The following FBLN7 variants were observed in gnomAD, a reference collection of about 807,000 sequenced individuals.
The protein encoded by FBLN7 is fibulin-7.
A neutral mutation model predicts 44.0 loss-of-function variants in FBLN7; 31 were observed. The observed-to-expected ratio is 0.70, with a 90% CI of 0.53 to 0.95. The LOEUF is 0.95. FBLN7 is among the 40% of genes least tolerant of loss of function. The pLI is 0.00. For synonymous variants in FBLN7, 262 were observed against 253.4 expected (o/e 1.03, Z -0.32); for missense variants, 573 against 618.5 (o/e 0.93, Z 0.78).
chr2:112,226,452 G>A, the FBLN7 span, among the ~76,000 whole-genome samples: 1 of 151,866 alleles, frequency 6.6e-6, no homozygotes, highest in African/African-American at 2.4e-5. Flanking sequence ...AGCCAGGTGA[G>A]GTGGCGGGTG....
chr2:112,140,874 G>A (rs1177746392), intron 1 of FBLN7, among the ~76,000 whole-genome samples: 1 of 152,204 alleles, frequency 6.6e-6, no homozygotes, highest in African/African-American at 2.4e-5. Flanking sequence ...TATACAGGCG[G>A]CTTGCTGTTT....
At chr2:112,178,948 C>T (rs965877926) in intron 4 of FBLN7, among the ~76,000 whole-genome samples, 1 of 152,144 alleles carries the variant, frequency 6.6e-6, no homozygotes, top group Non-Finnish European at 1.5e-5. Context: ...TGCCCTTTCT[C>T]ATCACTTCTA....
At chr2:112,200,341 C>T in the FBLN7 span, among the ~76,000 whole-genome samples, 2 of 152,064 alleles carry the variant, frequency 1.3e-5, no homozygotes, top group Non-Finnish European at 2.9e-5. Context: ...CTCAGATGTT[C>T]GTGGGAATGT....
the FBLN7 span, chr2:112,214,169 AT>A: frequency 1.3e-5 from 2 of 151,836 alleles, no homozygotes; most frequent in African/African-American, 4.8e-5. Flanking sequence ...GATGGTCTCG[AT>A]CTCCTGACCT....
chr2:112,187,275 C>G lies in FBLN7; in HGVS notation c.1089C>G (p.Pro363=), dbSNP rs147018646. The stretch of plus-strand genomic sequence containing the variant: ...TCCGCATGGCCACAGCCTCTGCCCC[C>G]GGCCGAGCTGGGCCCAACAGCCTGC... ...TLFRMATASA[P]GRAGPNSLRF... The change falls in exon 8 of 8, where the codon CCC becomes CCG. Residue 363 remains proline (P), a synonymous_variant. Transcript: ENST00000331203. The surrounding 1 kb of genome is among the most constrained non-coding windows in gnomAD (Gnocchi z 5.1). 2 of 1,614,194 alleles carry G rather than the reference C, an allele frequency of 1.2e-6. No homozygotes were observed. The highest frequency in any genetic ancestry group is 2.7e-5 in the African/African-American group (2 of 75,060).
chr2:112,167,905 G>GTTATGTTATC (rs1682252747), intron 3 of FBLN7, among the ~76,000 whole-genome samples: 1 of 151,986 alleles, frequency 6.6e-6, no homozygotes, highest in African/African-American at 2.4e-5. Context: ...GTTATGTTAT[G>GTTATGTTATC]TTATGTTATG....
chr2:112,155,879 AG>A (rs1681388616), intron 1 of FBLN7, among the ~76,000 whole-genome samples: 1 of 152,180 alleles, frequency 6.6e-6, no homozygotes, highest in Admixed American at 6.5e-5. Context: ...CTGGAGCCCC[AG>A]GCCATCACCC....
the FBLN7 span, chr2:112,214,784 T>C: frequency 6.6e-6 from 1 of 152,118 alleles, no homozygotes; most frequent in South Asian, 2.1e-4. Context: ...ATAACCCAGG[T>C]AGGAGAGACC....
intron 3 of FBLN7, 44 bp from the exon 4 acceptor site, chr2:112,175,670 C>T (rs751732311): frequency 6.2e-7 from 1 of 1,609,450 alleles, no homozygotes; most frequent in Non-Finnish European, 8.5e-7. Flanking sequence ...TGTTTTAGAC[C>T]TAGAACTCAC....
downstream of FBLN7, chr2:112,190,438 A>T (rs1188637576): frequency 6.6e-6 from 1 of 152,218 alleles, no homozygotes; most frequent in Non-Finnish European, 1.5e-5. Context: ...GAAAAGTAGG[A>T]TTGATTCTTG....
At position 112,159,784 on chromosome 2, in the gene FBLN7, C is replaced by T; in HGVS notation, c.184C>T (p.Leu62=). The part of the protein sequence containing the change: ...AEGIRHMKSR[L]AALQNSVGRV... ...GGGCATCCGCCACATGAAGAGCCGG[C>T]TGGCCGCGCTGCAGAACTCTGTGGG... is the stretch of plus-strand genomic sequence containing the variant. The change falls in exon 2 of 8, where the codon CTG becomes TTG. Residue 62 remains leucine (L), a synonymous_variant. Transcript: ENST00000331203. 1.9e-6 allele frequency: 3 copies of T among 1,597,070 alleles called. No individual in the cohort carries two copies. Among genetic ancestry groups the T allele is most frequent in the East Asian group, 2.3e-5 (1 of 43,636 alleles).
intron 2 of FBLN7, among the ~76,000 whole-genome samples, chr2:112,160,736 A>ACGCACACG (rs1553474957): frequency 0.048 from 4,895 of 102,104 alleles, 273 homozygotes; most frequent in African/African-American, 0.17. Context: ...ACGCACGCAC[A>ACGCACACG]CGCACACACG....
chr2:112,182,073 T>C, intron 5 of FBLN7, 197 bp downstream of exon 5: 1 of 681,292 alleles, frequency 1.5e-6, no homozygotes, highest in Non-Finnish European at 2.3e-6. Flanking sequence ...AAATCAGAGC[T>C]CGCCCCGCCT....
the FBLN7 span, among the ~76,000 whole-genome samples, chr2:112,202,428 T>A: frequency 6.6e-6 from 1 of 151,396 alleles, no homozygotes; most frequent in African/African-American, 2.4e-5. Flanking sequence ...ATATGAAATA[T>A]ATTTAGAAAT....
At chr2:112,156,252 G>A (rs565455985) in intron 1 of FBLN7, among the ~76,000 whole-genome samples, 1 of 152,316 alleles carries the variant, frequency 6.6e-6, no homozygotes, top group African/African-American at 2.4e-5. Flanking sequence ...AACAAAGGAG[G>A]CAGTCCATTG....
the FBLN7 span, among the ~76,000 whole-genome samples, chr2:112,241,532 T>C: frequency 6.6e-6 from 1 of 152,220 alleles, no homozygotes; most frequent in African/African-American, 2.4e-5. Flanking sequence ...GAAAACCACA[T>C]ATTATTTTCA....
intron 4 of FBLN7, 27 bp from the exon 5 acceptor site, chr2:112,181,712 G>T: frequency 7.3e-7 from 1 of 1,365,112 alleles, no homozygotes; most frequent in South Asian, 1.7e-5. Context: ...GCCAGGGCCC[G>T]GCACTGAGCG....
chr2:112,183,935 G>T (rs1322469868), intron 6 of FBLN7, among the ~76,000 whole-genome samples: 3 of 152,118 alleles, frequency 2.0e-5, no homozygotes, highest in Non-Finnish European at 1.5e-5. Flanking sequence ...CAAGTCCCAG[G>T]GACACTGGGT....
At chr2:112,158,538 C>A (rs986744178) in intron 1 of FBLN7, among the ~76,000 whole-genome samples, 8 of 151,948 alleles carry the variant, frequency 5.3e-5, no homozygotes, top group African/African-American at 1.9e-4. Context: ...CAGGTTCAAG[C>A]GATTCTCCTG....
Sources: gnomAD v4.1 joint callset for allele counts (sites outside exome capture counted in the v4.1 genomes callset) on GRCh38, gnomAD v4.1.1 for gene constraint, Gnocchi (gnomAD v3.1) non-coding constraint, MANE v1.5 for transcripts, NCBI Gene and HGNC (gene_info 2026-07-23, HGNC 2026-07-21) for gene names.